Variants in DLG2 observed in about 807,000 individuals in gnomAD.
DLG2 encodes the protein discs large MAGUK scaffold protein 2, also known as disks large homolog 2.
A neutral mutation model predicts 132.5 loss-of-function variants in DLG2; 45 were observed. The ratio of observed to expected loss-of-function variants is 0.34; its 90% confidence interval spans 0.27 to 0.44. The LOEUF (loss-of-function observed/expected upper bound fraction) is 0.44. Among genes scored for constraint, DLG2 ranks in the 20% least tolerant of loss-of-function variants. The pLI, the probability that DLG2 is intolerant of heterozygous loss-of-function variation, is 1.00. For missense variants in DLG2, 1,045 were observed against 1,196.9 expected (o/e 0.87, Z 1.87); for synonymous variants, 424 against 419.6 (o/e 1.01, Z -0.13).
At chr11:83,667,931 G>A (rs1399271357) in intron 18 of DLG2, among the ~76,000 whole-genome samples, 31 of 126,996 alleles carry the variant, frequency 2.4e-4, no homozygotes, top group African/African-American at 8.5e-4. Flanking sequence ...AGCCGAGACC[G>A]TGCCACTGCA....
chr11:84,339,009 G>A (rs186159316), intron 7 of DLG2, among the ~76,000 whole-genome samples: 3 of 152,048 alleles, frequency 2.0e-5, no homozygotes, highest in Non-Finnish European at 4.4e-5. Flanking sequence ...TGTCTGCACA[G>A]ACTATAATGG....
intron 9 of DLG2, 104 bp from the exon 10 acceptor site, chr11:84,099,151 G>A: frequency 9.4e-7 from 1 of 1,058,570 alleles, no homozygotes; most frequent in African/African-American, 1.6e-5. Context: ...GAAATCAGGT[G>A]ACAACAGTCT....
At chr11:84,567,639 T>G (rs2099462375) in intron 6 of DLG2, among the ~76,000 whole-genome samples, 1 of 152,220 alleles carries the variant, frequency 6.6e-6, no homozygotes, top group South Asian at 2.1e-4. Flanking sequence ...GTACAAACTC[T>G]TTGAAAGTAG....
At chr11:84,125,404 A>T (rs1595749592) in intron 9 of DLG2, among the ~76,000 whole-genome samples, 2 of 152,238 alleles carry the variant, frequency 1.3e-5, no homozygotes. Context: ...GGTGAGAATC[A>T]GTGGGCCTTC....
intron 7 of DLG2, among the ~76,000 whole-genome samples, chr11:84,359,317 T>A (rs184613924): frequency 6.6e-6 from 1 of 151,894 alleles, no homozygotes; most frequent in African/African-American, 2.4e-5. Context: ...ACAAATCTCA[T>A]TGAAGCAGAT....
chr11:84,102,693 T>A (rs551101623), intron 9 of DLG2, among the ~76,000 whole-genome samples: 2 of 152,148 alleles, frequency 1.3e-5, no homozygotes, highest in African/African-American at 4.8e-5. Flanking sequence ...TTTAAAGGAT[T>A]CTTTTGGGAC....
intron 6 of DLG2, among the ~76,000 whole-genome samples, chr11:84,650,847 GTA>G (rs1414121817): frequency 1.2e-4 from 11 of 88,222 alleles, no homozygotes; most frequent in African/African-American, 5.3e-4. Context: ...AAACTTTCCT[GTA>G]TGTGTGTGTG....
chr11:83,932,644 C>T (rs2080533234), intron 14 of DLG2, among the ~76,000 whole-genome samples: 1 of 151,800 alleles, frequency 6.6e-6, no homozygotes, highest in Admixed American at 6.6e-5. Flanking sequence ...ACATAGGCTA[C>T]AGTCTGAACA....
intron 6 of DLG2, among the ~76,000 whole-genome samples, chr11:85,103,744 T>A (rs566561777): frequency 6.6e-6 from 1 of 151,920 alleles, no homozygotes; most frequent in Non-Finnish European, 1.5e-5. Context: ...AATGTAAACA[T>A]TTTATGCTTC....
intron 17 of DLG2, among the ~76,000 whole-genome samples, chr11:83,801,626 T>C (rs1426217125): frequency 1.3e-5 from 2 of 152,222 alleles, no homozygotes; most frequent in Non-Finnish European, 2.9e-5. Context: ...CTTATTTTCA[T>C]AAGCTCAAAT....
intron 6 of DLG2, among the ~76,000 whole-genome samples, chr11:84,636,788 T>C (rs201663127): frequency 8.1e-5 from 10 of 123,818 alleles, no homozygotes; most frequent in Non-Finnish European, 1.2e-4. Flanking sequence ...ATGCACATTT[T>C]TTTTTTTTTT....
rs534938669 is a variant in DLG2, at chr11:84,058,596, A to G, written c.919+719T>C. Among the ~76,000 whole-genome samples, 94 of 151,156 alleles carry G rather than the reference A, an allele frequency of 6.2e-4. 4 individuals are homozygous for G. In the Middle Eastern group the frequency reaches 0.045, roughly 73 times the overall value. ...CAGCTATTTGAGAGGCTGAGATGGG[A>G]GGATCACTTGAGCCCAGGAGCTTGA... On this transcript the variant is annotated intron_variant, in intron 11 of 27. Transcript: ENST00000376104.
chr11:84,883,844 G>T (rs1011169452), intron 6 of DLG2, among the ~76,000 whole-genome samples: 1 of 152,088 alleles, frequency 6.6e-6, no homozygotes, highest in African/African-American at 2.4e-5. Context: ...TGTCTAACCT[G>T]AACGCTGTGT....
intron 17 of DLG2, among the ~76,000 whole-genome samples, chr11:83,789,008 A>T (rs1205484703): frequency 6.6e-6 from 1 of 152,252 alleles, no homozygotes; most frequent in Non-Finnish European, 1.5e-5. Context: ...GCCATTTATT[A>T]TAATAGGCAA....
chr11:83,733,069 C>T (rs1488020286), intron 18 of DLG2, among the ~76,000 whole-genome samples: 1 of 151,754 alleles, frequency 6.6e-6, no homozygotes, highest in African/African-American at 2.4e-5. Context: ...TGGTGAAACC[C>T]CATCTCTGCT....
At position 84,566,047 on chromosome 11, in the gene DLG2, C is replaced by T. The variant is rs193134839; in HGVS notation, c.358-31316G>A. ...TATCTCTGCTCACTGCAACCTCCGC[C>T]TCCTGGGTTAAAGAAATTCTCCTGC... On this transcript the variant is annotated intron_variant, in intron 6 of 27. Transcript: ENST00000376104. Among the ~76,000 whole-genome samples, 1,036 of 151,746 alleles carry T rather than the reference C, an allele frequency of 6.8e-3. 12 individuals are homozygous for T. The highest frequency in any genetic ancestry group is 0.024 in the African/African-American group (1,008 of 41,306).
At chr11:84,187,260 A>C in intron 8 of DLG2, among the ~76,000 whole-genome samples, 1 of 151,910 alleles carries the variant, frequency 6.6e-6, no homozygotes, top group East Asian at 1.9e-4. Flanking sequence ...TCTTTATTAT[A>C]TTCATTAATG....
At chr11:84,396,313 T>C (rs1024117590) in intron 7 of DLG2, among the ~76,000 whole-genome samples, 1 of 152,160 alleles carries the variant, frequency 6.6e-6, no homozygotes, top group African/African-American at 2.4e-5. Context: ...TTAATTTTCA[T>C]TGCAAAAATG....
intron 3 of DLG2, among the ~76,000 whole-genome samples, chr11:85,399,274 T>C (rs180679440): frequency 1.3e-5 from 2 of 152,122 alleles, no homozygotes; most frequent in Admixed American, 6.5e-5. Context: ...CTCAATGAAA[T>C]AAAAGAGGAC....
Sources: allele counts gnomAD v4.1 joint callset (sites outside exome capture counted in the v4.1 genomes callset), GRCh38; gene constraint gnomAD v4.1.1; transcripts MANE v1.5; gene names NCBI Gene and HGNC (gene_info 2026-07-23, HGNC 2026-07-21).